The following NAV1 variants were observed in gnomAD, a reference collection of about 807,000 sequenced individuals.
NAV1 encodes the protein pore membrane and/or filament interacting like protein 3.
In NAV1, 18 loss-of-function variants were observed where a neutral mutation model predicts 175.2. That is an observed-to-expected ratio of 0.10 (90% CI 0.07 to 0.15). The LOEUF is 0.15. Ranked by LOEUF, NAV1 falls within the 10% of genes least tolerant of loss-of-function variation. NAV1 has a pLI of 1.00. For missense variants in NAV1, 1,731 were observed against 2,436.6 expected (o/e 0.71, Z 6.10); for synonymous variants, 897 against 978.7 (o/e 0.92, Z 1.56).
chr1:201,712,512 C>T (rs1250910513), intron 1 of NAV1, among the ~76,000 whole-genome samples: 1 of 152,174 alleles, frequency 6.6e-6, no homozygotes, highest in Non-Finnish European at 1.5e-5. Flanking sequence ...AGAAGCAGGG[C>T]CTCCCCAAAA....
intron 3 of NAV1, among the ~76,000 whole-genome samples, chr1:201,744,003 G>T (rs1405075667): frequency 9.2e-5 from 14 of 152,260 alleles, no homozygotes; most frequent in Non-Finnish European, 1.2e-4. Context: ...TCCTGCCTCA[G>T]CCTCCCGAGT....
intron 1 of NAV1, among the ~76,000 whole-genome samples, chr1:201,564,758 C>T (rs1666303382): frequency 6.6e-6 from 1 of 152,186 alleles, no homozygotes. Context: ...GGGCTAATTC[C>T]AAAGTGTCAG....
At chr1:201,758,205 C>T (rs1319824358) in intron 3 of NAV1, among the ~76,000 whole-genome samples, 1 of 152,202 alleles carries the variant, frequency 6.6e-6, no homozygotes, top group Non-Finnish European at 1.5e-5. Context: ...AAAAAGAGTG[C>T]CTGTCCCACC....
chr1:201,818,302 G>C (rs531220848), intron 29 of NAV1, among the ~76,000 whole-genome samples: 1 of 152,094 alleles, frequency 6.6e-6, no homozygotes, highest in South Asian at 2.1e-4. Flanking sequence ...GCCAAGGCGG[G>C]CGGATCATGA....
exon 15 of NAV1, chr1:201,794,513 A>C (rs150114336): frequency 6.2e-7 from 1 of 1,613,812 alleles, no homozygotes; most frequent in African/African-American, 1.3e-5. Flanking sequence ...TTCTGAAGAA[A>C]AAGAACTCTG....
At chr1:201,777,425 A>G (rs1160305374) in intron 3 of NAV1, among the ~76,000 whole-genome samples, 1 of 152,084 alleles carries the variant, frequency 6.6e-6, no homozygotes, top group Non-Finnish European at 1.5e-5. Context: ...TCCTTTATAT[A>G]ATATCTGGAT....
chr1:201,707,439 G>C (rs1245697902), intron 1 of NAV1, among the ~76,000 whole-genome samples: 1 of 152,198 alleles, frequency 6.6e-6, no homozygotes, highest in African/African-American at 2.4e-5. Context: ...TGGGTATCAT[G>C]CCCATTTCCC....
At chr1:201,671,319 G>T (rs1363323128) in intron 1 of NAV1, among the ~76,000 whole-genome samples, 1 of 152,052 alleles carries the variant, frequency 6.6e-6, no homozygotes, top group African/African-American at 2.4e-5. Flanking sequence ...GGGCTGAACT[G>T]AGGAGCTCCA....
intron 3 of NAV1, among the ~76,000 whole-genome samples, chr1:201,721,047 G>A (rs1315652232): frequency 6.6e-6 from 1 of 152,068 alleles, no homozygotes; most frequent in Non-Finnish European, 1.5e-5. Flanking sequence ...CTCTGGACAG[G>A]ATGTGTGTTC....
chr1:201,632,580 A>C (rs2102299584), intron 2 of NAV1, among the ~76,000 whole-genome samples: 1 of 152,368 alleles, frequency 6.6e-6, no homozygotes, highest in South Asian at 2.1e-4. Flanking sequence ...GTGCAGGAGG[A>C]CTGGGAAAGG....
Position 201,714,867 on chromosome 1 carries a change from G to GCC in NAV1, c.860+1952_860+1953dup, listed in dbSNP as rs371342496. Among the ~76,000 whole-genome samples the GCC allele has an allele frequency of 4.3e-3, 661 of 152,312 alleles. 6 individuals are homozygous for GCC. Among genetic ancestry groups the GCC allele is most frequent in the African/African-American group, 0.014 (599 of 41,556 alleles). On this transcript the variant is annotated intron_variant, in intron 2 of 29. Transcript: ENST00000367296. Reference sequence around the variant, plus strand: ...TGGTGCCACTGACTCAGAGCAGCCAGCCCCCAGTCCCTCCGTTAAGCCGGA... The same window carrying GCC: ...TGGTGCCACTGACTCAGAGCAGCCAGCCCCCCCAGTCCCTCCGTTAAGCCGGA...
At chr1:201,693,501 G>A (rs1370462447) in intron 1 of NAV1, among the ~76,000 whole-genome samples, 1 of 152,210 alleles carries the variant, frequency 6.6e-6, no homozygotes, top group Non-Finnish European at 1.5e-5. Context: ...GTGTCTAGTG[G>A]AGGAGACAAG....
At chr1:201,660,807 C>A (rs777822367) in intron 1 of NAV1, among the ~76,000 whole-genome samples, 9 of 152,198 alleles carry the variant, frequency 5.9e-5, no homozygotes, top group Non-Finnish European at 1.2e-4. Context: ...GGTTTCAGAG[C>A]TGGAGGAGTC....
In NAV1 at chr1:201,782,446, G is replaced by T; in HGVS notation, c.1934G>T (p.Arg645Leu). 1 of 1,614,088 alleles carries T rather than the reference G, an allele frequency of 6.2e-7. No homozygotes were observed. The highest frequency in any genetic ancestry group is 1.1e-5 in the South Asian group (1 of 91,084). Residue 645 changes from arginine to leucine, a missense_variant, in exon 6 of 30, where the codon CGC becomes CTC. By Grantham distance (102) the Arg-to-Leu change is moderately radical. Around this residue, in one of 13 missense-constraint regions of NAV1, gnomAD observed 634 missense variants for 766.8 expected, o/e 0.83. Coordinates refer to ENST00000367296, the Ensembl canonical transcript of NAV1. This position sits in a 1 kb window ranked among gnomAD's most constrained non-coding sequence, Gnocchi z 5.4. ...ATCCCTGTCAAGCCAGTAAATGGGC[G>T]CAAGACTAGCTTAGATGTTTCCAAC... is the stretch of plus-strand genomic sequence containing the variant.
intron 3 of NAV1, among the ~76,000 whole-genome samples, chr1:201,775,450 A>C (rs1675873848): frequency 6.6e-6 from 1 of 152,208 alleles, no homozygotes; most frequent in Admixed American, 6.5e-5. Flanking sequence ...ATCTCCCTAT[A>C]CTGAAGCCAT....
At chr1:201,597,104 A>T (rs1571838502) in intron 2 of NAV1, among the ~76,000 whole-genome samples, 1 of 152,126 alleles carries the variant, frequency 6.6e-6, no homozygotes, top group East Asian at 1.9e-4. Context: ...GGGATTACAG[A>T]CGTGAGCCAC....
Position 201,616,491 on chromosome 1 carries a change from CT to C in NAV1, c.-32-6352del, listed in dbSNP as rs550899315. 7.3e-5 allele frequency among the ~76,000 whole-genome samples: 11 copies of C among 149,854 alleles called. No homozygotes were observed. In the South Asian group the frequency reaches 1.7e-3, roughly 23 times the overall value. ...GGTACTCTGTTTTGTCTCTCTCTCT[CT>C]TTTTTTTTTCTTGAGATGAAGTTTC... is the stretch of plus-strand genomic sequence containing the variant. On this transcript the variant is annotated intron_variant, in intron 2 of 33. Transcript: ENST00000685211.
intron 1 of NAV1, among the ~76,000 whole-genome samples, chr1:201,627,950 G>A (rs949248285): frequency 7.9e-5 from 12 of 151,844 alleles, no homozygotes; most frequent in African/African-American, 2.9e-4. Context: ...ACCAGCCTGG[G>A]CGACATGGCA....
chr1:201,747,735 T>G (rs1392055719), intron 3 of NAV1, among the ~76,000 whole-genome samples: 3 of 152,250 alleles, frequency 2.0e-5, no homozygotes, highest in Non-Finnish European at 4.4e-5. Flanking sequence ...TGGAAGTTTT[T>G]GCCACTTCTT....
Sources: gnomAD v4.1 joint callset for allele counts (sites outside exome capture counted in the v4.1 genomes callset) on GRCh38, gnomAD v4.1.1 for gene constraint, gnomAD v4.1.1 regional missense constraint, Gnocchi (gnomAD v3.1) non-coding constraint, MANE v1.5 for transcripts, NCBI Gene and HGNC (gene_info 2026-07-23, HGNC 2026-07-21) for gene names.